The following TYR variants were observed in gnomAD, a reference collection of about 807,000 sequenced individuals.
TYR encodes the protein LB24-AB.
A neutral mutation model predicts 51.5 loss-of-function variants in TYR; 58 were observed. That is an observed-to-expected ratio of 1.13 (90% CI 0.91 to 1.40). TYR has a LOEUF of 1.40. Ranked by LOEUF, TYR falls within the 40% of genes most tolerant of loss-of-function variation. The pLI, the probability that TYR is intolerant of heterozygous loss-of-function variation, is 0.00. For synonymous variants in TYR, 263 were observed against 235.2 expected (o/e 1.12, Z -1.08); for missense variants, 732 against 647.4 (o/e 1.13, Z -1.42).
chr11:89,265,911 A>C (rs1314674881), intron 3 of TYR, among the ~76,000 whole-genome samples: 16 of 152,024 alleles, frequency 1.1e-4, no homozygotes, highest in Non-Finnish European at 1.9e-4. Flanking sequence ...AAAAGGAAAA[A>C]AACTAAGAAA....
chr11:89,208,833 G>A (rs1371515260), intron 2 of TYR, among the ~76,000 whole-genome samples: 2 of 152,000 alleles, frequency 1.3e-5, no homozygotes, highest in African/African-American at 4.8e-5. Context: ...GCTTATTTTT[G>A]TTGCTTACTT....
At chr11:89,247,785 T>C (rs1468824920) in intron 3 of TYR, among the ~76,000 whole-genome samples, 1 of 152,046 alleles carries the variant, frequency 6.6e-6, no homozygotes, top group East Asian at 1.9e-4. Context: ...CTGGGGGCAA[T>C]GTGGAATATA....
intron 4 of TYR, among the ~76,000 whole-genome samples, chr11:89,292,040 T>A (rs1944857720): frequency 6.6e-6 from 1 of 151,142 alleles, no homozygotes; most frequent in African/African-American, 2.4e-5. Flanking sequence ...GAATTAAGAC[T>A]TTTTTTTTCA....
intron 2 of TYR, among the ~76,000 whole-genome samples, chr11:89,214,756 G>A (rs12418178): frequency 1.3e-5 from 2 of 152,028 alleles, no homozygotes; most frequent in Non-Finnish European, 1.5e-5. Context: ...AAATATCAGA[G>A]CCAAGGGATG....
chr11:89,219,541 G>A (rs1463099023), intron 2 of TYR, among the ~76,000 whole-genome samples: 3 of 151,912 alleles, frequency 2.0e-5, no homozygotes, highest in Non-Finnish European at 2.9e-5. Context: ...CACCTGTCTC[G>A]GCCTCCCAAA....
In TYR at chr11:89,178,445, A is replaced by G. The variant is rs1305097284; in HGVS notation, c.492A>G (p.Thr164=). ...ATGGCCAAATGAAAAATGGATCAACACCCATGTTTAACGACATCAATATTT... is the reference window on the plus strand; with the variant it reads ...ATGGCCAAATGAAAAATGGATCAACGCCCATGTTTAACGACATCAATATTT... ...GTYGQMKNGS[T]PMFNDINIYD... is the part of the protein sequence containing the mutation. The change falls in exon 1 of 5, where the codon ACA becomes ACG. Residue 164 remains threonine (T), a synonymous_variant. Coordinates refer to ENST00000263321, the MANE Select transcript of TYR (RefSeq NM_000372.5). 1 of 1,614,046 alleles carries G rather than the reference A, an allele frequency of 6.2e-7. No individual in the cohort carries two copies. Among genetic ancestry groups the G allele is most frequent in the East Asian group, 2.2e-5 (1 of 44,858 alleles).
intron 3 of TYR, among the ~76,000 whole-genome samples, chr11:89,257,584 G>A (rs1334013537): frequency 3.9e-5 from 6 of 151,988 alleles, no homozygotes; most frequent in African/African-American, 7.2e-5. Context: ...GACATGAAAT[G>A]TTAATATATA....
At chr11:89,187,657 A>G (rs553227053) in intron 1 of TYR, among the ~76,000 whole-genome samples, 5 of 152,252 alleles carry the variant, frequency 3.3e-5, no homozygotes, top group East Asian at 1.9e-4. Context: ...TTTATAAACT[A>G]TAAATGTTTG....
At position 89,178,472 on chromosome 11, in the gene TYR, T is replaced by A. The variant is rs1318567733; in HGVS notation, c.519T>A (p.Tyr173Ter). 6.2e-7 allele frequency: 1 copy of A among 1,614,104 alleles called. No homozygotes were observed. The change falls in exon 1 of 5, where the codon TAT becomes TAA. Residue 173 changes from tyrosine (Y) to a stop codon, truncating the protein, a stop_gained. Coordinates refer to ENST00000263321, the MANE Select transcript of TYR (RefSeq NM_000372.5). LOFTEE classifies it high-confidence loss of function. ...STPMFNDINI[Y>*]DLFVWMHYYV... Reference sequence around the variant, plus strand: ...CCATGTTTAACGACATCAATATTTATGACCTCTTTGTCTGGATGCATTATT... The same window carrying A: ...CCATGTTTAACGACATCAATATTTAAGACCTCTTTGTCTGGATGCATTATT...
intron 2 of TYR, among the ~76,000 whole-genome samples, chr11:89,202,500 T>C (rs1245507532): frequency 1.3e-5 from 2 of 152,170 alleles, no homozygotes; most frequent in Non-Finnish European, 2.9e-5. Flanking sequence ...GGCACATATA[T>C]TGATTCCAGA....
At chr11:89,236,831 T>G (rs1459744169) in intron 3 of TYR, among the ~76,000 whole-genome samples, 1 of 152,210 alleles carries the variant, frequency 6.6e-6, no homozygotes, top group Non-Finnish European at 1.5e-5. Context: ...ATCTAGTTTG[T>G]ACACAAACTT....
At chr11:89,183,214 T>C (rs2135246154) in intron 1 of TYR, among the ~76,000 whole-genome samples, 1 of 152,268 alleles carries the variant, frequency 6.6e-6, no homozygotes, top group African/African-American at 2.4e-5. Context: ...ACCTTCCTCA[T>C]TAATATATCT....
chr11:89,244,996 G>A (rs1249839206), intron 3 of TYR, among the ~76,000 whole-genome samples: 1 of 152,222 alleles, frequency 6.6e-6, no homozygotes, highest in East Asian at 1.9e-4. Context: ...GACCACAGGA[G>A]TAGTCCTCTT....
At chr11:89,292,660 C>A (rs1348678818) in intron 4 of TYR, among the ~76,000 whole-genome samples, 2 of 152,036 alleles carry the variant, frequency 1.3e-5, no homozygotes, top group African/African-American at 4.8e-5. Flanking sequence ...TGATTACTAC[C>A]AAGTTATTGT....
At chr11:89,262,847 CAAAAAAAAAAAA>C (rs771958187) in intron 3 of TYR, among the ~76,000 whole-genome samples, 5 of 19,304 alleles carry the variant, frequency 2.6e-4, no homozygotes, top group Non-Finnish European at 4.1e-4. Context: ...GCTACTCATC[CAAAAAAAAAAAA>C]AAAAAAAAAA....
chr11:89,243,975 G>A (rs1944234143), intron 3 of TYR, among the ~76,000 whole-genome samples: 1 of 152,002 alleles, frequency 6.6e-6, no homozygotes, highest in African/African-American at 2.4e-5. Context: ...GAGGTGAGAA[G>A]GGTATAAAAA....
chr11:89,179,094 AT>A (rs1270221622), intron 1 of TYR, among the ~76,000 whole-genome samples: 1 of 152,256 alleles, frequency 6.6e-6, no homozygotes, highest in Non-Finnish European at 1.5e-5. Context: ...TGTGAATTGA[AT>A]AAATGAGTGA....
At chr11:89,276,800 C>T (rs1944660191) in intron 3 of TYR, among the ~76,000 whole-genome samples, 1 of 151,690 alleles carries the variant, frequency 6.6e-6, no homozygotes, top group African/African-American at 2.4e-5. Context: ...GCAGAAACAC[C>T]CCTGTCATCC....
intron 3 of TYR, among the ~76,000 whole-genome samples, chr11:89,253,576 T>C (rs546982133): frequency 6.6e-6 from 1 of 151,920 alleles, no homozygotes; most frequent in African/African-American, 2.4e-5. Flanking sequence ...TTTTATTTTA[T>C]TTTTGCAGCT....
Sources: gnomAD v4.1 joint callset for allele counts (sites outside exome capture counted in the v4.1 genomes callset) on GRCh38, gnomAD v4.1.1 for gene constraint, MANE v1.5 for transcripts, NCBI Gene and HGNC (gene_info 2026-07-23, HGNC 2026-07-21) for gene names.